The following MORN3 variants were observed in gnomAD, a reference collection of about 807,000 sequenced individuals.
MORN3 encodes MORN repeat-containing protein 3.
In MORN3, 38 loss-of-function variants were observed where a neutral mutation model predicts 34.7. That is an observed-to-expected ratio of 1.10 (90% CI 0.85 to 1.44). The LOEUF is 1.44. Among genes scored for constraint, MORN3 ranks in the 40% most tolerant of loss-of-function variants. The pLI is 0.00. For synonymous variants in MORN3, 109 were observed against 115.3 expected, an observed-to-expected ratio of 0.95 and a Z score of 0.35; for missense variants, 311 against 321.7, an observed-to-expected ratio of 0.97 and a Z score of 0.25.
chr12:121,652,196 A>G (rs2136864966), intron 5 of MORN3, among the ~76,000 whole-genome samples: 1 of 151,628 alleles, frequency 6.6e-6, no homozygotes, highest in Non-Finnish European at 1.5e-5. Flanking sequence ...GGCCTCCCAA[A>G]GTGCTGGGAT....
intron 3 of MORN3, 42 bp downstream of exon 3, chr12:121,654,232 G>T (rs536669833): frequency 2.0e-6 from 3 of 1,489,570 alleles, no homozygotes; most frequent in East Asian, 2.5e-5. Flanking sequence ...GCTGCCGGGG[G>T]CGTGGTCGGG....
intron 1 of MORN3, among the ~76,000 whole-genome samples, chr12:121,664,118 G>A (rs1893670119): frequency 1.3e-5 from 2 of 152,132 alleles, no homozygotes. Flanking sequence ...TGCAAGGGGA[G>A]GAAGCTGACT....
intron 2 of MORN3, among the ~76,000 whole-genome samples, chr12:121,655,642 C>T (rs535609694): frequency 3.3e-5 from 5 of 151,332 alleles, no homozygotes; most frequent in Admixed American, 2.0e-4. Flanking sequence ...ACCCAGGAGT[C>T]GGAGGTTGCA....
chr12:121,671,424 G>C (rs920440206), upstream of MORN3, among the ~76,000 whole-genome samples: 8 of 146,778 alleles, frequency 5.5e-5, no homozygotes, highest in Non-Finnish European at 1.2e-4. Flanking sequence ...AAAAAAATTA[G>C]AAGAATGGAG....
In MORN3 at chr12:121,663,750, G is replaced by T. The variant is rs193083914; in HGVS notation, c.146-4402C>A. Among the ~76,000 whole-genome samples, 262 of 151,624 alleles carry T rather than the reference G, an allele frequency of 1.7e-3. 2 individuals carry two copies. The East Asian group carries it at 0.032, about 19-fold the overall frequency. On this transcript the variant is annotated intron_variant, in intron 1 of 5. Transcript: ENST00000355329. ...ACGATGTCAATGTTAGCCTTTATTG[G>T]TTTTTTTTATTTTTTTATTTTTTTT... is the stretch of plus-strand genomic sequence containing the variant.
At chr12:121,665,058 C>T (rs1271507132) in intron 1 of MORN3, among the ~76,000 whole-genome samples, 1 of 151,558 alleles carries the variant, frequency 6.6e-6, no homozygotes, top group Non-Finnish European at 1.5e-5. Context: ...TTGATTTGCC[C>T]AGTTGGATTA....
At chr12:121,655,221 G>A (rs1017908035) in intron 2 of MORN3, among the ~76,000 whole-genome samples, 9 of 151,756 alleles carry the variant, frequency 5.9e-5, no homozygotes, top group African/African-American at 2.2e-4. Flanking sequence ...TGATGGCGGC[G>A]CCTGTGATCC....
intron 1 of MORN3, among the ~76,000 whole-genome samples, chr12:121,667,409 C>T (rs1256996244): frequency 4.6e-5 from 7 of 151,186 alleles, no homozygotes; most frequent in African/African-American, 9.7e-5. Flanking sequence ...GTTCACCACT[C>T]GATCCAGCTA....
In MORN3 at chr12:121,649,300, C is replaced by T. The variant is rs1174087516; in HGVS notation, c.*2351G>A. ...TTTACACTCTTCTGCACATTAAGAA[C>T]AGCTAGACCTAAGTTTAAGCACAGT... is the stretch of plus-strand genomic sequence containing the variant. On this transcript the variant is annotated 3_prime_UTR_variant, in exon 6 of 6. Transcript: ENST00000355329. The T allele has an allele frequency of 6.6e-6, 1 of 152,108 alleles. No homozygotes were observed. The highest frequency in any genetic ancestry group is 1.5e-5 in the Non-Finnish European group (1 of 68,046). 9.4% of individuals were successfully genotyped at this position (152,108 alleles called of 1,614,324 possible).
chr12:121,669,431 T>C lies in MORN3; in HGVS notation c.53A>G (p.Asp18Gly), dbSNP rs376750272. The change falls in exon 1 of 6, where the codon GAC (aspartate) becomes GGC (glycine). Residue 18 changes from aspartate to glycine, a missense_variant. Transcript: ENST00000355329. ...KKSESLWKGW[D>G]RKAQRNGLRS... Reference sequence around the variant, plus strand: ...CAGGCCGTTCCTCTGGGCCTTCCGGTCCCACCCCTTCCACAGGGACTCCGA... The same window carrying C: ...CAGGCCGTTCCTCTGGGCCTTCCGGCCCCACCCCTTCCACAGGGACTCCGA... 1.7e-5 allele frequency: 27 copies of C among 1,614,014 alleles called. No individual in the cohort carries two copies. The African/African-American group carries it at 1.7e-4, about 10-fold the overall frequency.
intron 1 of MORN3, among the ~76,000 whole-genome samples, chr12:121,667,474 T>C (rs1893800174): frequency 6.6e-6 from 1 of 151,106 alleles, no homozygotes; most frequent in Admixed American, 6.6e-5. Flanking sequence ...AGCCTGGTGT[T>C]GAACTCCTGA....
chr12:121,652,110 GTTT>G (rs1459209842), intron 5 of MORN3, among the ~76,000 whole-genome samples: 1 of 151,772 alleles, frequency 6.6e-6, no homozygotes, highest in East Asian at 1.9e-4. Flanking sequence ...TAATTTTTGT[GTTT>G]TTAGTACAGA....
intron 1 of MORN3, among the ~76,000 whole-genome samples, chr12:121,665,322 G>C (rs1202092010): frequency 2.0e-5 from 2 of 102,132 alleles, no homozygotes; most frequent in Admixed American, 1.6e-4. Context: ...ACGGTGTCTC[G>C]CTCTGTCGCC....
chr12:121,669,000 G>A (rs887279024), intron 1 of MORN3, among the ~76,000 whole-genome samples: 17 of 152,144 alleles, frequency 1.1e-4, no homozygotes, highest in Non-Finnish European at 4.4e-5. Flanking sequence ...CTTCAGGGGC[G>A]TGGCTTTTCT....
intron 1 of MORN3, among the ~76,000 whole-genome samples, chr12:121,663,166 A>G (rs1218749267): frequency 6.6e-6 from 1 of 151,762 alleles, no homozygotes. Context: ...TATGCTAATT[A>G]CTTTGATTGT....
chr12:121,661,665 C>G (rs1391817712), intron 1 of MORN3, among the ~76,000 whole-genome samples: 2 of 152,004 alleles, frequency 1.3e-5, no homozygotes, highest in African/African-American at 4.8e-5. Context: ...CACTTGAGGT[C>G]AGGAGTTTGA....
rs1555325209 is a variant in MORN3 at position 121,652,716 on chromosome 12, C to A, written c.*6+12G>T. The A allele has an allele frequency of 1.9e-6, 3 of 1,612,092 alleles. No homozygotes were observed. The stretch of plus-strand genomic sequence containing the variant: ...GCCACATCAGAACTTGGCAGGTGTG[C>A]CCACCCCTCACCTGGCATCAATCTC... On this transcript the variant is annotated intron_variant, in intron 5 of 5. Coordinates refer to ENST00000355329, the MANE Select transcript of MORN3 (RefSeq NM_173855.5).
At position 121,648,991 on chromosome 12, in the gene MORN3, G is replaced by T. The variant is rs1243846369; in HGVS notation, c.*2660C>A. On this transcript the variant is annotated 3_prime_UTR_variant, in exon 6 of 6. Transcript: ENST00000355329. The stretch of plus-strand genomic sequence containing the variant: ...TCTGTTGCCCAGGCTGGAGAGCAGC[G>T]GCACGATCTCGGCTCGGCGTGATCT... 3 of 151,174 alleles carry T rather than the reference G, an allele frequency of 2.0e-5. No homozygotes were observed. The highest frequency in any genetic ancestry group is 4.4e-5 in the Non-Finnish European group (3 of 67,926). The allele number at this position is 151,174 out of a possible 1,614,324, so 9.4% of individuals were successfully genotyped here.
At chr12:121,655,087 T>C (rs2136868695) in intron 2 of MORN3, among the ~76,000 whole-genome samples, 2 of 152,040 alleles carry the variant, frequency 1.3e-5, no homozygotes, top group East Asian at 3.9e-4. Flanking sequence ...CTGGGCGCTG[T>C]GGCTCACCGG....
Sources: gnomAD v4.1 joint callset for allele counts (sites outside exome capture counted in the v4.1 genomes callset) on GRCh38, gnomAD v4.1.1 for gene constraint, MANE v1.5 for transcripts, NCBI Gene and HGNC (gene_info 2026-07-23, HGNC 2026-07-21) for gene names.